The following ITGB6 variants were observed in gnomAD, a reference collection of about 807,000 sequenced individuals.
The protein encoded by ITGB6 is integrin beta-6.
ITGB6 carries 80 observed loss-of-function variants against 84.5 expected under a neutral mutation model. The ratio of observed to expected loss-of-function variants is 0.95; its 90% confidence interval spans 0.79 to 1.14. The LOEUF (loss-of-function observed/expected upper bound fraction) is 1.14, where lower values mean the gene tolerates loss of function less well. ITGB6 is among the 50% of genes most tolerant of loss of function. The probability of loss-of-function intolerance (pLI) is 0.00; values close to 1 mark genes in which losing one functional copy is unlikely to be tolerated. For synonymous variants in ITGB6, 383 were observed against 354.9 expected (o/e 1.08, Z -0.89); for missense variants, 1,006 against 968.0 (o/e 1.04, Z -0.52).
chr2:160,195,300 G>T (rs548762667), intron 4 of ITGB6, 69 bp downstream of exon 4: 5 of 1,587,318 alleles, frequency 3.1e-6, no homozygotes, highest in Non-Finnish European at 4.3e-6. Flanking sequence ...CCTGGCAAGT[G>T]CAGCTCAGAG....
At position 160,180,286 on chromosome 2, in the gene ITGB6, CAT is replaced by C. The variant is rs1476688070; in HGVS notation, c.594-6149_594-6148del. On this transcript the variant is annotated intron_variant, in intron 4 of 14. Coordinates refer to ENST00000283249, the MANE Select transcript of ITGB6 (RefSeq NM_000888.5). ...AAAATAAATGAGCTACTCCAGAAAA[CAT>C]AAAGATTAGATTAAAGAGGTGGATT... is the stretch of plus-strand genomic sequence containing the variant. 2.0e-5 allele frequency among the ~76,000 whole-genome samples: 3 copies of C among 152,092 alleles called. No individual in the cohort carries two copies. In the East Asian group the frequency reaches 5.8e-4, roughly 29 times the overall value.
chr2:160,192,555 C>G (rs564373455), intron 4 of ITGB6, among the ~76,000 whole-genome samples: 1 of 151,966 alleles, frequency 6.6e-6, no homozygotes, highest in African/African-American at 2.4e-5. Flanking sequence ...GTGATCTTTA[C>G]AGTAAGCAAA....
chr2:160,189,442 G>C (rs540702166), intron 4 of ITGB6, among the ~76,000 whole-genome samples: 1 of 151,946 alleles, frequency 6.6e-6, no homozygotes, highest in Admixed American at 6.6e-5. Context: ...GAAAATTTTC[G>C]CAACCTACTC....
intron 4 of ITGB6, among the ~76,000 whole-genome samples, chr2:160,187,931 AC>A (rs1345956468): frequency 4.6e-5 from 7 of 152,156 alleles, no homozygotes; most frequent in African/African-American, 1.7e-4. Context: ...AAGTTTGAGG[AC>A]CACTAGATTA....
intron 10 of ITGB6, among the ~76,000 whole-genome samples, chr2:160,132,050 T>C (rs928440273): frequency 7.9e-5 from 12 of 152,174 alleles, no homozygotes; most frequent in African/African-American, 2.9e-4. Flanking sequence ...TTAGGGCTTT[T>C]TGAAAGGTAA....
At chr2:160,157,748 CAAAA>C (rs11364475) in intron 7 of ITGB6, among the ~76,000 whole-genome samples, 4 of 84,158 alleles carry the variant, frequency 4.8e-5, no homozygotes, top group Non-Finnish European at 2.2e-5. Context: ...AGCACAGAGG[CAAAA>C]AAAAAAAAAA....
intron 7 of ITGB6, among the ~76,000 whole-genome samples, 181 bp downstream of exon 7, chr2:160,169,031 T>C (rs1685105894): frequency 1.3e-5 from 2 of 152,234 alleles, no homozygotes. Context: ...CTACTGCACC[T>C]AGGTGTTTAC....
chr2:160,125,790 T>C (rs1032501561), intron 11 of ITGB6, among the ~76,000 whole-genome samples: 1 of 136,128 alleles, frequency 7.3e-6, no homozygotes, highest in African/African-American at 2.8e-5. Context: ...GTTTCATTGT[T>C]GTTATTGTGC....
At chr2:160,186,065 A>T (rs1340688851) in intron 4 of ITGB6, among the ~76,000 whole-genome samples, 1 of 152,300 alleles carries the variant, frequency 6.6e-6, no homozygotes, top group East Asian at 1.9e-4. Flanking sequence ...GCATGGGCAA[A>T]GACTTCATGA....
At chr2:160,102,114 T>C (rs1696745282) in intron 14 of ITGB6, among the ~76,000 whole-genome samples, 1 of 152,208 alleles carries the variant, frequency 6.6e-6, no homozygotes, top group Admixed American at 6.5e-5. Context: ...GCTGTTGTGC[T>C]CACTGCTGTT....
At chr2:160,126,878 G>A (rs1683265861) in intron 10 of ITGB6, among the ~76,000 whole-genome samples, 1 of 152,112 alleles carries the variant, frequency 6.6e-6, no homozygotes. Flanking sequence ...AAGCCTCTCA[G>A]CCAACTGAAT....
At chr2:160,124,466 C>T (rs945631665) in intron 11 of ITGB6, among the ~76,000 whole-genome samples, 2 of 152,186 alleles carry the variant, frequency 1.3e-5, no homozygotes, top group African/African-American at 2.4e-5. Context: ...CTCATTAATA[C>T]AGGCTTTTAA....
At chr2:160,119,081 C>T (rs1682909504) in intron 12 of ITGB6, among the ~76,000 whole-genome samples, 2 of 152,188 alleles carry the variant, frequency 1.3e-5, no homozygotes, top group East Asian at 1.9e-4. Context: ...GTGAAAATGG[C>T]CATACTGTCC....
rs562660346 is a variant in ITGB6 at position 160,101,045 on chromosome 2, G to A, written c.*691C>T. 6.6e-6 allele frequency: 1 copy of A among 152,166 alleles called. No homozygotes were observed. Among genetic ancestry groups the A allele is most frequent in the African/African-American group, 2.4e-5 (1 of 41,538 alleles). 9.4% of individuals were successfully genotyped at this position (152,166 alleles called of 1,614,324 possible). On this transcript the variant is annotated 3_prime_UTR_variant, in exon 15 of 15. Transcript: ENST00000283249. ...CGTTTTTCAGGTAATTTAAAAATAA[G>A]CTATATGATAGGGTTGTTATCTTTT...
intron 7 of ITGB6, among the ~76,000 whole-genome samples, chr2:160,143,433 T>G (rs1684075852): frequency 6.6e-6 from 1 of 152,188 alleles, no homozygotes; most frequent in Non-Finnish European, 1.5e-5. Flanking sequence ...ATTTCTACCT[T>G]CTCCTTGGTG....
At chr2:160,171,912 A>G (rs1685220522) in intron 6 of ITGB6, among the ~76,000 whole-genome samples, 1 of 152,182 alleles carries the variant, frequency 6.6e-6, no homozygotes, top group Non-Finnish European at 1.5e-5. Flanking sequence ...TCAGCAGGCT[A>G]GGAAGGAAGG....
At chr2:160,198,250 G>A (rs927723927) in intron 2 of ITGB6, among the ~76,000 whole-genome samples, 4 of 152,264 alleles carry the variant, frequency 2.6e-5, no homozygotes, top group East Asian at 3.9e-4. Flanking sequence ...GGTCAAGGCC[G>A]TAGTAAGGGA....
At chr2:160,123,206 T>C (rs1419595149) in intron 12 of ITGB6, among the ~76,000 whole-genome samples, 1 of 152,228 alleles carries the variant, frequency 6.6e-6, no homozygotes, top group African/African-American at 2.4e-5. Flanking sequence ...GAAGTTTGCT[T>C]AGCCGTTAAA....
At chr2:160,185,482 C>A (rs1256226752) in intron 4 of ITGB6, among the ~76,000 whole-genome samples, 3 of 152,144 alleles carry the variant, frequency 2.0e-5, no homozygotes. Flanking sequence ...AGGACAAAAA[C>A]AAATGGAAAA....
Sources: gnomAD v4.1 joint callset for allele counts (sites outside exome capture counted in the v4.1 genomes callset) on GRCh38, gnomAD v4.1.1 for gene constraint, MANE v1.5 for transcripts, NCBI Gene and HGNC (gene_info 2026-07-23, HGNC 2026-07-21) for gene names.